The following MYOF variants were observed in gnomAD, a reference collection of about 807,000 sequenced individuals.
The protein encoded by MYOF is myoferlin, also known as fer-1-like 3, myoferlin.
A neutral mutation model predicts 284.2 loss-of-function variants in MYOF; 244 were observed. The ratio of observed to expected loss-of-function variants is 0.86; its 90% CI spans 0.77 to 0.95. The LOEUF is 0.95. Ranked by LOEUF, MYOF falls within the 40% of genes least tolerant of loss-of-function variation. The pLI is 0.00. For missense variants in MYOF, 2,496 were observed against 2,560.6 expected (o/e 0.97, Z 0.54); for synonymous variants, 904 against 919.7 (o/e 0.98, Z 0.31).
chr10:93,477,464 C>T (rs1159667080), intron 1 of MYOF, among the ~76,000 whole-genome samples: 3 of 150,726 alleles, frequency 2.0e-5, no homozygotes, highest in African/African-American at 7.3e-5. Flanking sequence ...TGCACTCCAG[C>T]CTGGGCAACA....
chr10:93,345,166 G>A (rs760041197), intron 37 of MYOF, among the ~76,000 whole-genome samples: 3 of 152,186 alleles, frequency 2.0e-5, no homozygotes, highest in Non-Finnish European at 4.4e-5. Context: ...ACATAAAGGA[G>A]GAGAAACAAC....
intron 3 of MYOF, among the ~76,000 whole-genome samples, chr10:93,445,547 G>T (rs1438329897): frequency 6.6e-6 from 1 of 152,152 alleles, no homozygotes; most frequent in Admixed American, 6.5e-5. Flanking sequence ...CATTCCCTCT[G>T]AATGGCTGGT....
chr10:93,336,611 A>G (rs1008057038), intron 40 of MYOF, among the ~76,000 whole-genome samples: 1 of 152,198 alleles, frequency 6.6e-6, no homozygotes, highest in Admixed American at 6.5e-5. Context: ...GACACGGGGA[A>G]GTTTTCTGTG....
Position 93,335,973 on chromosome 10 carries a change from T to C in MYOF, c.4511A>G (p.Tyr1504Cys). 6 of 1,614,234 alleles carry C rather than the reference T, an allele frequency of 3.7e-6. No homozygotes were observed. Among genetic ancestry groups the C allele is most frequent in the Non-Finnish European group, 5.1e-6 (6 of 1,180,038 alleles). The part of the protein sequence containing the change: ...LTDFSDTFKL[Y>C]RGKSDENEDP... ...TTCATTTTCATCCGACTTGCCTCGG[T>C]ACAACTTGAACGTATCTGAGAAGTC... The change falls in exon 41 of 54, where the codon TAC becomes TGC. Residue 1504 changes from tyrosine to cysteine, a missense_variant. Physicochemically the swap from Tyr to Cys is radical, Grantham distance 194. Transcript: ENST00000359263.
intron 11 of MYOF, among the ~76,000 whole-genome samples, chr10:93,401,811 G>C (rs1277844469): frequency 1.2e-5 from 1 of 83,216 alleles, no homozygotes; most frequent in African/African-American, 3.2e-5. Flanking sequence ...GTGTGTGTGT[G>C]TGTGTGTGTG....
In MYOF at chr10:93,318,147, C is replaced by T. The variant is rs114773477; in HGVS notation, c.5599-1334G>A. On this transcript the variant is annotated intron_variant, in intron 49 of 53. Coordinates refer to ENST00000359263, the MANE Select transcript of MYOF (RefSeq NM_013451.4). ...GCATTTTTGATATCACATTGAGCTT[C>T]TGTGCCTCTTAAAAGTCCCCTTTGT... 5.2e-3 allele frequency among the ~76,000 whole-genome samples: 794 copies of T among 152,326 alleles called. 6 individuals are homozygous for T. Among genetic ancestry groups the T allele is most frequent in the African/African-American group, 0.018 (765 of 41,566 alleles).
intron 23 of MYOF, 68 bp downstream of exon 23, chr10:93,374,695 T>C: frequency 3.4e-6 from 5 of 1,481,724 alleles, no homozygotes; most frequent in South Asian, 1.3e-5. Flanking sequence ...CACCATCCTA[T>C]TCTTGGTGCC....
At chr10:93,478,792 T>C (rs1328384163) in intron 1 of MYOF, among the ~76,000 whole-genome samples, 1 of 72,520 alleles carries the variant, frequency 1.4e-5, no homozygotes, top group Non-Finnish European at 3.0e-5. Flanking sequence ...CTGACTGCAC[T>C]CTTCCCTCCT....
At chr10:93,333,728 C>G (rs1298384790) in intron 42 of MYOF, 30 bp downstream of exon 42, 2 of 1,608,158 alleles carry the variant, frequency 1.2e-6, no homozygotes, top group Non-Finnish European at 1.7e-6. Flanking sequence ...TATCTTGCTA[C>G]AGGAGAAGGC....
chr10:93,471,012 A>AT (rs202021871), intron 1 of MYOF, among the ~76,000 whole-genome samples: 40 of 151,490 alleles, frequency 2.6e-4, no homozygotes, highest in Admixed American at 7.9e-4. Flanking sequence ...AGGGCAAGGA[A>AT]TTTTTTTTTT....
At chr10:93,329,192 G>A (rs1368167614) in intron 44 of MYOF, among the ~76,000 whole-genome samples, 1 of 152,038 alleles carries the variant, frequency 6.6e-6, no homozygotes, top group East Asian at 1.9e-4. Flanking sequence ...GTCATAATAG[G>A]CAAACTCATA....
chr10:93,330,185 A>G (rs1003036318), intron 43 of MYOF, among the ~76,000 whole-genome samples: 14 of 152,216 alleles, frequency 9.2e-5, no homozygotes, highest in African/African-American at 3.1e-4. Flanking sequence ...CAGTGTCGCT[A>G]TAAGTGTCAA....
chr10:93,381,537 T>G, intron 19 of MYOF, 141 bp from the exon 20 acceptor site: 2 of 816,930 alleles, frequency 2.4e-6, no homozygotes, highest in Non-Finnish European at 1.9e-6. Flanking sequence ...GACCCAGCTG[T>G]TCCTCTTGCA....
chr10:93,413,864 A>C (rs1426706385), intron 5 of MYOF, among the ~76,000 whole-genome samples: 2 of 151,930 alleles, frequency 1.3e-5, no homozygotes, highest in Middle Eastern at 3.2e-3. Context: ...GTGGTGGTGC[A>C]CACCTGTAGT....
chr10:93,306,926 T>C lies in MYOF; in HGVS notation c.*37A>G. The C allele has an allele frequency of 1.2e-6, 2 of 1,602,150 alleles. No homozygotes were observed. The highest frequency in any genetic ancestry group is 1.7e-6 in the Non-Finnish European group (2 of 1,169,660). ...GGTCTACAGAGGCAGGATTCTCTCA[T>C]TGCTGGATGACTCTTGAAATGAAGC... is the stretch of plus-strand genomic sequence containing the variant. On this transcript the variant is annotated 3_prime_UTR_variant, in exon 54 of 54. Coordinates refer to ENST00000359263, the MANE Select transcript of MYOF (RefSeq NM_013451.4).
chr10:93,318,218 C>T (rs752769203), intron 49 of MYOF, among the ~76,000 whole-genome samples: 2 of 152,020 alleles, frequency 1.3e-5, no homozygotes, highest in Admixed American at 6.6e-5. Flanking sequence ...CCTTGGAGTT[C>T]GAGACCAGCC....
chr10:93,482,122 A>C lies in MYOF; in HGVS notation c.73T>G (p.Ser25Ala). The C allele has an allele frequency of 6.2e-7, 1 of 1,614,048 alleles. No individual in the cohort carries two copies. Among genetic ancestry groups the C allele is most frequent in the Non-Finnish European group, 8.5e-7 (1 of 1,179,902 alleles). The part of the protein sequence containing the change: ...TKFGKPDPIV[S>A]VIFKDEKKKT... ...TTTTTCTTACCCTTAAAAATGACAG[A>C]AACAATAGGATCCGGCTTGCCAAAT... is the stretch of plus-strand genomic sequence containing the variant. The change falls in exon 1 of 54, where the codon TCT becomes GCT. Residue 25 changes from serine to alanine, a missense_variant. Around this residue, in one of 3 missense-constraint regions of MYOF, gnomAD observed 57 missense variants for 62.4 expected, o/e 0.91. Coordinates refer to ENST00000359263, the MANE Select transcript of MYOF (RefSeq NM_013451.4).
intron 1 of MYOF, among the ~76,000 whole-genome samples, chr10:93,465,004 T>TA (rs1158500942): frequency 6.6e-6 from 1 of 152,182 alleles, no homozygotes; most frequent in Non-Finnish European, 1.5e-5. Flanking sequence ...ACCACACCCA[T>TA]ACATGGCTAG....
At chr10:93,342,222 C>T (rs12268989) in intron 38 of MYOF, among the ~76,000 whole-genome samples, 1 of 152,104 alleles carries the variant, frequency 6.6e-6, no homozygotes, top group Non-Finnish European at 1.5e-5. Context: ...CTCCATTTAC[C>T]CAGATACAAG....
Sources: gnomAD v4.1 joint callset for allele counts (sites outside exome capture counted in the v4.1 genomes callset) on GRCh38, gnomAD v4.1.1 for gene constraint, gnomAD v4.1.1 regional missense constraint, MANE v1.5 for transcripts, NCBI Gene and HGNC (gene_info 2026-07-23, HGNC 2026-07-21) for gene names.